The following TRPM3 variants were observed in gnomAD, a reference collection of about 807,000 sequenced individuals.
TRPM3 encodes transient receptor potential cation channel subfamily M member 3.
TRPM3 carries 77 observed loss-of-function variants against 181.2 expected under a neutral mutation model. The ratio of observed to expected loss-of-function variants is 0.42; its 90% CI spans 0.35 to 0.51. The LOEUF (loss-of-function observed/expected upper bound fraction) is 0.51. Among genes scored for constraint, TRPM3 ranks in the 20% least tolerant of loss-of-function variants. The pLI, the probability that TRPM3 is intolerant of heterozygous loss-of-function variation, is 0.01. For missense variants in TRPM3, 1,759 were observed against 2,196.7 expected (o/e 0.80, Z 3.98); for synonymous variants, 745 against 796.4 (o/e 0.94, Z 1.09).
intron 12 of TRPM3, among the ~76,000 whole-genome samples, chr9:70,628,068 A>C (rs1269812884): frequency 6.6e-6 from 1 of 152,210 alleles, no homozygotes; most frequent in East Asian, 1.9e-4. Flanking sequence ...AATAGTACTA[A>C]TGCAACCACT....
intron 8 of TRPM3, chr9:70,761,303 C>CA: frequency 1.6e-6 from 1 of 608,882 alleles, no homozygotes; most frequent in Non-Finnish European, 3.0e-6. Flanking sequence ...AAGCGTTCTC[C>CA]AGGAGGGGAC....
intron 1 of TRPM3, among the ~76,000 whole-genome samples, chr9:70,963,157 A>T (rs1371753147): frequency 2.6e-5 from 4 of 152,210 alleles, no homozygotes; most frequent in Non-Finnish European, 5.9e-5. Context: ...CACCGTTATC[A>T]TTAGCATTTC....
At chr9:70,946,936 A>G (rs2096940091) in intron 1 of TRPM3, among the ~76,000 whole-genome samples, 1 of 152,182 alleles carries the variant, frequency 6.6e-6, no homozygotes, top group South Asian at 2.1e-4. Context: ...CCACCTGTAA[A>G]TTGACCACAA....
At chr9:71,005,112 T>TA (rs1429432528) in intron 1 of TRPM3, among the ~76,000 whole-genome samples, 1 of 152,108 alleles carries the variant, frequency 6.6e-6, no homozygotes, top group African/African-American at 2.4e-5. Context: ...GCAACAGCAT[T>TA]AAGATAAAGG....
rs141507055 is a variant in TRPM3, at chr9:70,783,139, G to A, written c.1148+966C>T. On this transcript the variant is annotated intron_variant, in intron 7 of 25. Transcript: ENST00000677713. ...ACTAGACTTACTGTGAGCATCTTGA[G>A]AGTGGCAATTAATTGTACGTTTTTC... 1.5e-3 allele frequency among the ~76,000 whole-genome samples: 233 copies of A among 152,254 alleles called. 1 individual carries two copies. The highest frequency in any genetic ancestry group is 5.3e-3 in the African/African-American group (220 of 41,536).
At chr9:71,267,438 G>A (rs893594356) in intron 1 of TRPM3, among the ~76,000 whole-genome samples, 2 of 152,188 alleles carry the variant, frequency 1.3e-5, no homozygotes, top group African/African-American at 4.8e-5. Context: ...CTCTGTAGAT[G>A]GTTGTTGAAT....
chr9:70,980,365 G>C (rs551340666), intron 1 of TRPM3, among the ~76,000 whole-genome samples: 28 of 151,530 alleles, frequency 1.8e-4, no homozygotes, highest in African/African-American at 4.4e-4. Flanking sequence ...CAGTCAGAAG[G>C]GGGAAAGAGA....
intron 9 of TRPM3, among the ~76,000 whole-genome samples, chr9:70,658,585 G>A (rs973076163): frequency 1.4e-4 from 22 of 151,954 alleles, no homozygotes; most frequent in Admixed American, 2.6e-4. Context: ...AATTATAATC[G>A]TTATGTTAAA....
chr9:70,745,583 C>A (rs900104311), intron 8 of TRPM3, among the ~76,000 whole-genome samples: 1 of 152,166 alleles, frequency 6.6e-6, no homozygotes, highest in Admixed American at 6.5e-5. Context: ...TCTCCCCAAA[C>A]ATTATGTTGG....
chr9:70,760,255 C>T (rs2077865528), intron 8 of TRPM3, among the ~76,000 whole-genome samples: 1 of 151,582 alleles, frequency 6.6e-6, no homozygotes, highest in African/African-American at 2.4e-5. Flanking sequence ...AATGTATAGT[C>T]CTGGTAAGGT....
At chr9:71,335,630 C>A (rs2090499166) in intron 1 of TRPM3, among the ~76,000 whole-genome samples, 1 of 151,808 alleles carries the variant, frequency 6.6e-6, no homozygotes, top group African/African-American at 2.4e-5. Context: ...AATGTTTGGC[C>A]CCCAGGATCA....
intron 1 of TRPM3, among the ~76,000 whole-genome samples, chr9:71,328,057 T>C (rs1014460211): frequency 1.1e-4 from 17 of 150,656 alleles, no homozygotes; most frequent in Admixed American, 1.1e-3. Flanking sequence ...TGATAGGTCA[T>C]TTTTCTGAAT....
intron 10 of TRPM3, among the ~76,000 whole-genome samples, chr9:70,640,075 T>C (rs1556959): frequency 0.12 from 18,818 of 152,078 alleles, 1,280 homozygotes; most frequent in East Asian, 0.23. Flanking sequence ...AAAGCATTGG[T>C]TTCCTCATGT....
chr9:70,640,230 C>T (rs960156663), intron 10 of TRPM3, among the ~76,000 whole-genome samples: 10 of 152,162 alleles, frequency 6.6e-5, no homozygotes, highest in African/African-American at 2.4e-4. Flanking sequence ...AATAATTCTA[C>T]CCCTTCCTTA....
intron 1 of TRPM3, among the ~76,000 whole-genome samples, chr9:71,023,239 TTCAAACGTAATTCGCCA>T (rs2097860784): frequency 6.6e-6 from 1 of 152,182 alleles, no homozygotes; most frequent in East Asian, 1.9e-4. Context: ...TGAAAAGATG[TTCAAACGTAATTCGCCA>T]TCAGGGAAAT....
At chr9:70,762,881 A>G (rs559303234) in intron 7 of TRPM3, among the ~76,000 whole-genome samples, 2 of 152,160 alleles carry the variant, frequency 1.3e-5, no homozygotes, top group African/African-American at 4.8e-5. Flanking sequence ...GTTTACACCA[A>G]GTGGATCACA....
At chr9:70,990,911 T>G (rs2097476798) in intron 1 of TRPM3, among the ~76,000 whole-genome samples, 1 of 152,154 alleles carries the variant, frequency 6.6e-6, no homozygotes, top group Non-Finnish European at 1.5e-5. Context: ...AAATAATATC[T>G]TAAATAAAGA....
chr9:71,013,085 T>C (rs2097758569), intron 1 of TRPM3, among the ~76,000 whole-genome samples: 1 of 152,140 alleles, frequency 6.6e-6, no homozygotes, highest in South Asian at 2.1e-4. Flanking sequence ...CACAGGTCTA[T>C]ACATGAGAGA....
chr9:70,832,001 A>ATATATATTTATATATATATATATTTAT (rs1564497915), intron 5 of TRPM3, among the ~76,000 whole-genome samples: 1 of 126,066 alleles, frequency 7.9e-6, no homozygotes, highest in African/African-American at 2.9e-5. Context: ...ATATATACCT[A>ATATATATTTATATATATATATATTTAT]CTATGTACCC....
Sources: gnomAD v4.1 joint callset for allele counts (sites outside exome capture counted in the v4.1 genomes callset) on GRCh38, gnomAD v4.1.1 for gene constraint, MANE v1.5 for transcripts, NCBI Gene and HGNC (gene_info 2026-07-23, HGNC 2026-07-21) for gene names.